THEMIS: variants seen among roughly 807,000 people sequenced by gnomAD.
THEMIS encodes the protein thymocyte selection associated.
In THEMIS, 37 loss-of-function variants were observed where a neutral mutation model predicts 52.6. The ratio of observed to expected loss-of-function variants is 0.70; its 90% confidence interval spans 0.54 to 0.93. THEMIS has a LOEUF of 0.93. Among genes scored for constraint, THEMIS ranks in the 40% least tolerant of loss-of-function variants. The probability of loss-of-function intolerance (pLI) is 0.00; values close to 1 mark genes in which losing one functional copy is unlikely to be tolerated. For synonymous variants in THEMIS, 292 were observed against 272.7 expected, an observed-to-expected ratio of 1.07 and a Z score of -0.70; for missense variants, 808 against 763.1, an observed-to-expected ratio of 1.06 and a Z score of -0.69.
chr6:127,804,055 C>T (rs1281667002), intron 4 of THEMIS, among the ~76,000 whole-genome samples: 5 of 151,978 alleles, frequency 3.3e-5, no homozygotes, highest in Non-Finnish European at 7.4e-5. Context: ...ATTTTATATG[C>T]ATAAAATAAG....
At chr6:127,796,587 A>G (rs1165457151) in intron 4 of THEMIS, among the ~76,000 whole-genome samples, 2 of 152,202 alleles carry the variant, frequency 1.3e-5, no homozygotes, top group Non-Finnish European at 1.5e-5. Context: ...ATAATGGAGG[A>G]AGCATTGCCA....
intron 2 of THEMIS, among the ~76,000 whole-genome samples, chr6:127,830,921 A>T (rs988072666): frequency 6.6e-6 from 1 of 152,178 alleles, no homozygotes; most frequent in African/African-American, 2.4e-5. Flanking sequence ...TCAAGAGAAG[A>T]ATATGAGATG....
At chr6:127,798,021 A>G (rs1477105248) in intron 4 of THEMIS, among the ~76,000 whole-genome samples, 1 of 150,496 alleles carries the variant, frequency 6.6e-6, no homozygotes, top group African/African-American at 2.4e-5. Context: ...GACTACACAC[A>G]TGTGTACATA....
intron 4 of THEMIS, among the ~76,000 whole-genome samples, chr6:127,810,461 G>T (rs1029144413): frequency 3.3e-5 from 5 of 152,134 alleles, no homozygotes; most frequent in African/African-American, 4.8e-5. Flanking sequence ...CTCATTAATG[G>T]ATTAATGCTG....
intron 5 of THEMIS, among the ~76,000 whole-genome samples, chr6:127,717,357 C>G (rs1191566806): frequency 6.6e-6 from 1 of 151,940 alleles, no homozygotes; most frequent in East Asian, 1.9e-4. Flanking sequence ...AAGGTCTGCA[C>G]TTTATCATTC....
chr6:127,698,701 A>G, the THEMIS span, among the ~76,000 whole-genome samples: 1 of 152,002 alleles, frequency 6.6e-6, no homozygotes, highest in Non-Finnish European at 1.5e-5. Context: ...TATACTACAT[A>G]TTGACTGAAA....
intron 2 of THEMIS, among the ~76,000 whole-genome samples, chr6:127,842,807 G>T (rs773591515): frequency 6.6e-6 from 1 of 151,832 alleles, no homozygotes; most frequent in Admixed American, 6.6e-5. Flanking sequence ...TAAGCTCAGG[G>T]TTCCCCAATT....
chr6:127,737,097 A>G (rs1775034499), intron 4 of THEMIS, among the ~76,000 whole-genome samples: 1 of 152,164 alleles, frequency 6.6e-6, no homozygotes, highest in South Asian at 2.1e-4. Flanking sequence ...GTGTTTTGGT[A>G]GTAATTATAT....
intron 4 of THEMIS, among the ~76,000 whole-genome samples, chr6:127,801,749 G>A (rs1201198440): frequency 6.6e-6 from 1 of 152,108 alleles, no homozygotes; most frequent in Non-Finnish European, 1.5e-5. Context: ...AGATAATGTT[G>A]ATTCTGCTCA....
At chr6:127,862,886 G>A (rs1388390391) in intron 1 of THEMIS, among the ~76,000 whole-genome samples, 2 of 151,962 alleles carry the variant, frequency 1.3e-5, no homozygotes, top group African/African-American at 4.8e-5. Flanking sequence ...CCTCAACATC[G>A]AGTTCTAGGT....
chr6:127,875,479 G>A (rs987811835), intron 1 of THEMIS, among the ~76,000 whole-genome samples: 2 of 152,162 alleles, frequency 1.3e-5, no homozygotes, highest in Non-Finnish European at 2.9e-5. Context: ...TTGGAAATGT[G>A]AGTCTCTTCC....
At chr6:127,889,826 GAAGTT>G (rs981053411) in intron 1 of THEMIS, among the ~76,000 whole-genome samples, 11 of 152,022 alleles carry the variant, frequency 7.2e-5, no homozygotes, top group Non-Finnish European at 1.6e-4. Flanking sequence ...TAATGCAGGT[GAAGTT>G]AAGTTGATTT....
At chr6:127,723,137 T>A (rs897446469) in intron 4 of THEMIS, among the ~76,000 whole-genome samples, 3 of 152,086 alleles carry the variant, frequency 2.0e-5, no homozygotes, top group Non-Finnish European at 1.5e-5. Context: ...CCAAGGCTAT[T>A]TGTGGACCTC....
intron 4 of THEMIS, among the ~76,000 whole-genome samples, chr6:127,770,845 C>A (rs952713734): frequency 1.3e-5 from 2 of 152,114 alleles, no homozygotes; most frequent in Admixed American, 6.5e-5. Context: ...TATGGCTAGC[C>A]AGTTTTCCCA....
At chr6:127,752,546 GA>G (rs1350304592) in intron 4 of THEMIS, among the ~76,000 whole-genome samples, 1 of 151,516 alleles carries the variant, frequency 6.6e-6, no homozygotes, top group African/African-American at 2.4e-5. Flanking sequence ...GGTAAACCAA[GA>G]AGAAAGAGAT....
chr6:127,838,155 G>T (rs1248670232), intron 2 of THEMIS, among the ~76,000 whole-genome samples: 1 of 152,040 alleles, frequency 6.6e-6, no homozygotes, highest in Non-Finnish European at 1.5e-5. Flanking sequence ...ATAAGATGTA[G>T]ATGGAATTCA....
chr6:127,731,625 A>T (rs1310889737), intron 4 of THEMIS, among the ~76,000 whole-genome samples: 1 of 147,450 alleles, frequency 6.8e-6, no homozygotes, highest in Admixed American at 6.8e-5. Context: ...CGTATTGTTC[A>T]TGTGATTTTC....
intron 4 of THEMIS, among the ~76,000 whole-genome samples, chr6:127,721,248 G>C (rs1458149274): frequency 6.6e-6 from 1 of 152,022 alleles, no homozygotes; most frequent in Non-Finnish European, 1.5e-5. Flanking sequence ...GCTCAAGTCA[G>C]ATGAATTCCA....
chr6:127,899,983 T>G (rs1298365422), intron 1 of THEMIS, among the ~76,000 whole-genome samples: 1 of 150,310 alleles, frequency 6.7e-6, no homozygotes, highest in East Asian at 1.9e-4. Context: ...CAACATAATA[T>G]GTAATACATT....
Sources: gnomAD v4.1 joint callset for allele counts (sites outside exome capture counted in the v4.1 genomes callset) on GRCh38, gnomAD v4.1.1 for gene constraint, MANE v1.5 for transcripts, NCBI Gene and HGNC (gene_info 2026-07-23, HGNC 2026-07-21) for gene names.